SLC7A1: variants seen among roughly 807,000 people sequenced by gnomAD.
SLC7A1 encodes the protein high affinity cationic amino acid transporter 1.
In SLC7A1, 10 loss-of-function variants were observed where a neutral mutation model predicts 53.9. The observed-to-expected ratio is 0.19, with a 90% confidence interval of 0.11 to 0.31. The LOEUF is 0.31. SLC7A1 is among the 10% of genes least tolerant of loss of function. SLC7A1 has a pLI of 1.00. For synonymous variants in SLC7A1, 342 were observed against 338.7 expected, an observed-to-expected ratio of 1.01 and a Z score of -0.11; for missense variants, 525 against 827.2, an observed-to-expected ratio of 0.63 and a Z score of 4.48.
intron 1 of SLC7A1, among the ~76,000 whole-genome samples, chr13:29,555,124 C>T (rs1008363252): frequency 6.6e-6 from 1 of 151,188 alleles, no homozygotes; most frequent in Non-Finnish European, 1.5e-5. Flanking sequence ...TTTGGGAGGC[C>T]GAGGCGGGCG....
chr13:29,584,756 C>A (rs977874175), intron 1 of SLC7A1, among the ~76,000 whole-genome samples: 1 of 152,100 alleles, frequency 6.6e-6, no homozygotes, highest in Non-Finnish European at 1.5e-5. Context: ...ATTTCTTAAG[C>A]AAAAGTCCAT....
intron 8 of SLC7A1, 152 bp from the exon 9 acceptor site, chr13:29,519,701 AG>A: frequency 1.8e-6 from 1 of 569,280 alleles, no homozygotes. Flanking sequence ...CACAGCTTAA[AG>A]GGAAGTCAAG....
chr13:29,547,945 A>G (rs1869995206), intron 2 of SLC7A1, among the ~76,000 whole-genome samples: 1 of 152,262 alleles, frequency 6.6e-6, no homozygotes, highest in African/African-American at 2.4e-5. Flanking sequence ...GGACAGCCCC[A>G]AAATGCTGTA....
chr13:29,515,751 G>A (rs563121134), intron 12 of SLC7A1, among the ~76,000 whole-genome samples: 15 of 152,330 alleles, frequency 9.8e-5, no homozygotes, highest in Middle Eastern at 3.4e-3. Context: ...CAGAGAAGAC[G>A]CAATCACAGA....
chr13:29,573,944 C>A (rs983702648), intron 1 of SLC7A1, among the ~76,000 whole-genome samples: 2 of 152,200 alleles, frequency 1.3e-5, no homozygotes, highest in Non-Finnish European at 2.9e-5. Flanking sequence ...GCGTACCCAG[C>A]TACTAACAAG....
chr13:29,583,511 T>G (rs1871742171), intron 1 of SLC7A1, among the ~76,000 whole-genome samples: 1 of 152,122 alleles, frequency 6.6e-6, no homozygotes, highest in Admixed American at 6.5e-5. Flanking sequence ...ACTCAAACTC[T>G]ATGCAGGGTG....
In SLC7A1 at chr13:29,590,884, A is replaced by G. The variant is rs368610686; in HGVS notation, c.-115+4532T>C. On this transcript the variant is annotated intron_variant, in intron 1 of 12. Coordinates refer to ENST00000380752, the MANE Select transcript of SLC7A1 (RefSeq NM_003045.5). ...TTTAGGGAGGCGAGGCAGGTGGATC[A>G]CTTGAGGCCAGGAGTTTGAGACCAG... Among the ~76,000 whole-genome samples the G allele has an allele frequency of 9.2e-5, 14 of 152,294 alleles. No individual in the cohort carries two copies. The South Asian group carries it at 1.5e-3, about 16-fold the overall frequency.
chr13:29,534,670 A>G (rs7993193), intron 3 of SLC7A1, among the ~76,000 whole-genome samples: 16,180 of 152,106 alleles, frequency 0.11, 988 homozygotes, highest in African/African-American at 0.16. Context: ...GGCTGCGAGG[A>G]TCCCAGCAGG....
intron 11 of SLC7A1, 140 bp from the exon 12 acceptor site, chr13:29,516,386 C>T (rs1207414500): frequency 6.2e-5 from 38 of 613,824 alleles, no homozygotes; most frequent in Non-Finnish European, 1.1e-4. Flanking sequence ...GGAGTGCCCA[C>T]CCCCACTCCC....
chr13:29,549,197 T>A (rs1870062778), intron 2 of SLC7A1, among the ~76,000 whole-genome samples: 1 of 152,196 alleles, frequency 6.6e-6, no homozygotes, highest in African/African-American at 2.4e-5. Context: ...CTGAAATTCC[T>A]TTCAGGTATC....
chr13:29,556,807 G>A (rs1217506629), intron 1 of SLC7A1, among the ~76,000 whole-genome samples: 4 of 152,238 alleles, frequency 2.6e-5, no homozygotes, highest in Admixed American at 2.0e-4. Flanking sequence ...ACCACTGCTT[G>A]TAAGGTTGCC....
chr13:29,529,688 T>C (rs1869062716), intron 5 of SLC7A1, among the ~76,000 whole-genome samples: 1 of 152,232 alleles, frequency 6.6e-6, no homozygotes, highest in Admixed American at 6.5e-5. Flanking sequence ...ACATCTCTTC[T>C]TTAAAGCCAC....
At chr13:29,594,876 C>T (rs1160587769) in intron 1 of SLC7A1, among the ~76,000 whole-genome samples, 1 of 152,176 alleles carries the variant, frequency 6.6e-6, no homozygotes, top group Non-Finnish European at 1.5e-5. Flanking sequence ...GGCCGGCCAC[C>T]TGCCGCGGGA....
At chr13:29,544,106 A>G (rs1869796242) in intron 2 of SLC7A1, among the ~76,000 whole-genome samples, 1 of 152,170 alleles carries the variant, frequency 6.6e-6, no homozygotes, top group Admixed American at 6.5e-5. Flanking sequence ...ATAAACAAAT[A>G]ACCCACAGGC....
At chr13:29,525,613 G>A (rs1868848932) in intron 5 of SLC7A1, among the ~76,000 whole-genome samples, 1 of 152,186 alleles carries the variant, frequency 6.6e-6, no homozygotes, top group South Asian at 2.1e-4. Flanking sequence ...AATTCCTAGA[G>A]GATCATCACA....
intron 2 of SLC7A1, among the ~76,000 whole-genome samples, chr13:29,545,326 C>A (rs1869867570): frequency 6.6e-6 from 1 of 152,162 alleles, no homozygotes; most frequent in Non-Finnish European, 1.5e-5. Context: ...CCCCCTTCAC[C>A]CCAATCAGAC....
chr13:29,527,330 C>T (rs903860899), intron 5 of SLC7A1, among the ~76,000 whole-genome samples: 5 of 152,084 alleles, frequency 3.3e-5, no homozygotes, highest in African/African-American at 9.7e-5. Flanking sequence ...TTATGAACCA[C>T]GTAGTATTTT....
Position 29,568,341 on chromosome 13 carries a change from G to A in SLC7A1, c.-114-14481C>T, listed in dbSNP as rs522946. Among the ~76,000 whole-genome samples the A allele has an allele frequency of 3.4e-3, 525 of 152,196 alleles. 4 individuals carry two copies. The highest frequency in any genetic ancestry group is 0.012 in the African/African-American group (491 of 41,506). On this transcript the variant is annotated intron_variant, in intron 1 of 12. Coordinates refer to ENST00000380752, the MANE Select transcript of SLC7A1 (RefSeq NM_003045.5). ...AGGCAAATTTTTAAAAAACCACGAC[G>A]ATGTATTACTCTCATAAATGGAGCA...
rs184790005 is a variant in SLC7A1, at chr13:29,566,755, T to C, written c.-114-12895A>G. 3.4e-3 allele frequency among the ~76,000 whole-genome samples: 517 copies of C among 152,322 alleles called. 2 individuals are homozygous for C. The highest frequency in any genetic ancestry group is 5.0e-3 in the Non-Finnish European group (341 of 68,034). On this transcript the variant is annotated intron_variant, in intron 1 of 12. Coordinates refer to ENST00000380752, the MANE Select transcript of SLC7A1 (RefSeq NM_003045.5). ...CTTTCAATAGGTGAGCTTTATACTA[T>C]GTAAATCAGATTTATAAAACTATTT...
Sources: allele counts gnomAD v4.1 joint callset (sites outside exome capture counted in the v4.1 genomes callset), GRCh38; gene constraint gnomAD v4.1.1; transcripts MANE v1.5; gene names NCBI Gene and HGNC (gene_info 2026-07-23, HGNC 2026-07-21).